The following SORCS3 variants were observed in gnomAD, a reference collection of about 807,000 sequenced individuals.
SORCS3 encodes the protein VPS10 domain-containing receptor SorCS3.
Under a neutral mutation model 146.3 loss-of-function variants are expected in SORCS3, and 57 were observed. The observed-to-expected ratio is 0.39, with a 90% confidence interval of 0.31 to 0.49. The LOEUF is 0.49. Among genes scored for constraint, SORCS3 ranks in the 20% least tolerant of loss-of-function variants. The pLI, the probability that SORCS3 is intolerant of heterozygous loss-of-function variation, is 0.92. For missense variants in SORCS3, 1,341 were observed against 1,575.5 expected (o/e 0.85, Z 2.52); for synonymous variants, 653 against 618.5 (o/e 1.06, Z -0.83).
chr10:104,977,209 A>C (rs2054904216), intron 3 of SORCS3, 126 bp from the exon 4 acceptor site: 1 of 619,350 alleles, frequency 1.6e-6, no homozygotes, highest in South Asian at 6.4e-5. Context: ...TATTTTTTAC[A>C]GAGGCCCAGA....
chr10:105,004,435 A>C (rs10400054), intron 4 of SORCS3, among the ~76,000 whole-genome samples: 35,776 of 151,870 alleles, frequency 0.24, 4,731 homozygotes, highest in African/African-American at 0.35. Context: ...AAACCATGTT[A>C]CTGAATTTCT....
chr10:104,976,023 AC>A (rs2054895252), intron 3 of SORCS3, among the ~76,000 whole-genome samples: 1 of 150,712 alleles, frequency 6.6e-6, no homozygotes, highest in Non-Finnish European at 1.5e-5. Flanking sequence ...TGTCTAAAAC[AC>A]CAAAAGCAAT....
chr10:104,713,968 G>A (rs2016448436), intron 1 of SORCS3, among the ~76,000 whole-genome samples: 1 of 152,090 alleles, frequency 6.6e-6, no homozygotes, highest in South Asian at 2.1e-4. Context: ...ATTTCTCCTT[G>A]TGTGAGTTAT....
chr10:104,930,097 A>C (rs1426501972), intron 3 of SORCS3, among the ~76,000 whole-genome samples: 2 of 152,220 alleles, frequency 1.3e-5, no homozygotes, highest in East Asian at 3.8e-4. Context: ...ACGATAAACG[A>C]TCAGAATGGG....
chr10:105,014,495 G>C (rs930517253), intron 4 of SORCS3, among the ~76,000 whole-genome samples: 2 of 152,056 alleles, frequency 1.3e-5, no homozygotes, highest in African/African-American at 4.8e-5. Context: ...GAAAAGATAA[G>C]CCATAAGCTT....
chr10:104,977,506 T>G lies in SORCS3; in HGVS notation c.954+13T>G. On this transcript the variant is annotated intron_variant, in intron 4 of 26. Coordinates refer to ENST00000369701, the MANE Select transcript of SORCS3 (RefSeq NM_014978.3). The stretch of plus-strand genomic sequence containing the variant: ...TTTGGATCAAAAGGTGAATAAATAC[T>G]ATTTTCATTTACTTCTTGTCATCCA... The G allele has an allele frequency of 1.3e-6, 2 of 1,583,796 alleles. No individual in the cohort carries two copies. The highest frequency in any genetic ancestry group is 8.6e-7 in the Non-Finnish European group (1 of 1,166,600).
intron 11 of SORCS3, among the ~76,000 whole-genome samples, chr10:105,162,283 T>C (rs535160806): frequency 1.3e-5 from 2 of 152,334 alleles, no homozygotes; most frequent in South Asian, 4.1e-4. Context: ...GCAAAGCTGT[T>C]GGTGAGAAAA....
At chr10:105,054,222 A>G (rs1026497381) in intron 5 of SORCS3, among the ~76,000 whole-genome samples, 8 of 151,838 alleles carry the variant, frequency 5.3e-5, no homozygotes, top group African/African-American at 1.7e-4. Context: ...TTGGTTTTTA[A>G]TTGCATTATG....
chr10:105,139,330 A>G (rs2056079251), intron 7 of SORCS3, 67 bp from the exon 8 acceptor site: 2 of 1,178,038 alleles, frequency 1.7e-6, no homozygotes, highest in Admixed American at 1.7e-5. Context: ...TAGAAGAGCT[A>G]ATACTTTCCA....
chr10:105,210,575 C>T (rs576597810), intron 16 of SORCS3, among the ~76,000 whole-genome samples: 156 of 152,252 alleles, frequency 1.0e-3, no homozygotes, highest in African/African-American at 3.5e-3. Flanking sequence ...GAAATAGTAG[C>T]GGACTTTCTT....
chr10:104,961,907 AAAG>A (rs1301086984), intron 3 of SORCS3, among the ~76,000 whole-genome samples: 1 of 152,192 alleles, frequency 6.6e-6, no homozygotes. Context: ...GCAGTGCAGC[AAAG>A]AAGACCAGAG....
chr10:105,090,533 A>T (rs1478742719), intron 6 of SORCS3, among the ~76,000 whole-genome samples: 1 of 152,232 alleles, frequency 6.6e-6, no homozygotes, highest in East Asian at 1.9e-4. Context: ...GCTCTTCTCC[A>T]TCCAGGAAAA....
Position 104,961,104 on chromosome 10 carries a change from A to G in SORCS3, c.796-16231A>G, listed in dbSNP as rs541718060. ...GGCATTTTTTGCTTTATCTTTTCAT[A>G]TAGTCATTGCCTTTGTGATTTTAGG... is the stretch of plus-strand genomic sequence containing the variant. On this transcript the variant is annotated intron_variant, in intron 3 of 26. Coordinates refer to ENST00000369701, the MANE Select transcript of SORCS3 (RefSeq NM_014978.3). 1.5e-4 allele frequency among the ~76,000 whole-genome samples: 23 copies of G among 152,210 alleles called. No homozygotes were observed. In the South Asian group the frequency reaches 4.4e-3, roughly 29 times the overall value.
rs1352961895 is a variant in SORCS3, at chr10:105,087,757, C to T, written c.1029-2018C>T. 5.9e-5 allele frequency among the ~76,000 whole-genome samples: 9 copies of T among 152,292 alleles called. No individual in the cohort carries two copies. In the South Asian group the frequency reaches 1.9e-3, roughly 32 times the overall value. ...AGTTTATATCCAAATAGAGAAGACA[C>T]AGAAATGAATTAGCAATTGCATACA... On this transcript the variant is annotated intron_variant, in intron 5 of 26. Transcript: ENST00000369701.
intron 1 of SORCS3, among the ~76,000 whole-genome samples, chr10:104,807,846 C>T (rs1022272878): frequency 6.6e-6 from 1 of 152,240 alleles, no homozygotes; most frequent in Non-Finnish European, 1.5e-5. Flanking sequence ...AAAAAGGCTT[C>T]GTAATTTACT....
intron 7 of SORCS3, among the ~76,000 whole-genome samples, chr10:105,111,171 A>G (rs12264472): frequency 0.028 from 4,206 of 152,232 alleles, 185 homozygotes; most frequent in African/African-American, 0.096. Flanking sequence ...CCTTTCTTAT[A>G]TATTTTTTTC....
At chr10:105,175,214 AT>A (rs71482448) in intron 13 of SORCS3, among the ~76,000 whole-genome samples, 1,510 of 134,610 alleles carry the variant, frequency 0.011, 18 homozygotes, top group African/African-American at 0.029. Context: ...TGCTTGGCTA[AT>A]TTTTTTTTTT....
chr10:104,952,003 A>C (rs1266532728), intron 3 of SORCS3, among the ~76,000 whole-genome samples: 1 of 151,652 alleles, frequency 6.6e-6, no homozygotes, highest in Non-Finnish European at 1.5e-5. Context: ...GGGGCTTGCC[A>C]AAGTCACTAA....
intron 1 of SORCS3, among the ~76,000 whole-genome samples, chr10:104,800,858 A>C (rs79962195): frequency 6.6e-6 from 1 of 152,158 alleles, no homozygotes; most frequent in Non-Finnish European, 1.5e-5. Context: ...TTGAGCAAAC[A>C]CATTTCCTTC....
Sources: gnomAD v4.1 joint callset for allele counts (sites outside exome capture counted in the v4.1 genomes callset) on GRCh38, gnomAD v4.1.1 for gene constraint, MANE v1.5 for transcripts, NCBI Gene and HGNC (gene_info 2026-07-23, HGNC 2026-07-21) for gene names.